SMURF1: variants seen among roughly 807,000 people sequenced by gnomAD.
SMURF1 encodes the protein SMAD specific E3 ubiquitin protein ligase 1.
A neutral mutation model predicts 98.0 loss-of-function variants in SMURF1; 44 were observed. That is an observed-to-expected ratio of 0.45 (90% CI 0.35 to 0.58). SMURF1 has a LOEUF of 0.58. SMURF1 is among the 20% of genes least tolerant of loss of function. SMURF1 has a pLI of 0.00. For synonymous variants in SMURF1, 396 were observed against 374.9 expected (o/e 1.06, Z -0.65); for missense variants, 687 against 938.4 (o/e 0.73, Z 3.50).
intron 1 of SMURF1, among the ~76,000 whole-genome samples, chr7:99,135,621 C>A (rs191473074): frequency 6.6e-6 from 1 of 152,176 alleles, no homozygotes; most frequent in African/African-American, 2.4e-5. Flanking sequence ...TGGGAATACA[C>A]GATAATTTAC....
intron 12 of SMURF1, among the ~76,000 whole-genome samples, chr7:99,041,199 C>T (rs936244492): frequency 6.6e-6 from 1 of 152,102 alleles, no homozygotes. Flanking sequence ...GTCAGGAGTT[C>T]GAGACCAGCC....
intron 2 of SMURF1, 94 bp downstream of exon 2, chr7:99,061,703 CTT>C: frequency 1.0e-6 from 1 of 952,564 alleles, no homozygotes; most frequent in Non-Finnish European, 1.5e-6. Flanking sequence ...AAGGGCAAAA[CTT>C]TGAAGAGAAT....
rs1795900927 is a variant in SMURF1 at position 99,057,313 on chromosome 7, T to TAGGGAGGA, written c.338-51_338-44dup. 3 of 1,613,712 alleles carry TAGGGAGGA rather than the reference T, an allele frequency of 1.9e-6. No individual in the cohort carries two copies. The South Asian group carries it at 3.3e-5, about 18-fold the overall frequency. ...AAAACTTAACCCAAGGAACGTGAAC[T>TAGGGAGGA]AGGGAGGAAGGCAGGAATTCAGTAT... On this transcript the variant is annotated intron_variant, in intron 4 of 17. Transcript: ENST00000361368.
intron 1 of SMURF1, among the ~76,000 whole-genome samples, chr7:99,092,422 G>A (rs1418288500): frequency 6.6e-6 from 1 of 152,056 alleles, no homozygotes; most frequent in African/African-American, 2.4e-5. Flanking sequence ...ATCAATACTC[G>A]TGGCACCTCC....
intron 1 of SMURF1, among the ~76,000 whole-genome samples, chr7:99,128,326 C>T (rs1165606444): frequency 1.3e-5 from 2 of 152,114 alleles, no homozygotes; most frequent in Non-Finnish European, 2.9e-5. Flanking sequence ...CCATGAATGA[C>T]GCAGTCAGTA....
At chr7:99,126,069 T>C (rs941985029) in intron 1 of SMURF1, among the ~76,000 whole-genome samples, 1 of 152,200 alleles carries the variant, frequency 6.6e-6, no homozygotes, top group Admixed American at 6.5e-5. Flanking sequence ...GGGCGCTTTG[T>C]ATTGTTACTT....
intron 1 of SMURF1, among the ~76,000 whole-genome samples, chr7:99,102,392 A>AG (rs1797102999): frequency 6.6e-6 from 1 of 152,262 alleles, no homozygotes; most frequent in South Asian, 2.1e-4. Flanking sequence ...TGAATAACTG[A>AG]ATATACCCAA....
chr7:99,060,376 C>G lies in SMURF1; in HGVS notation c.203+223G>C, dbSNP rs1796001031. Reference sequence around the variant, plus strand: ...CCTGGGTGACAGAGTGAGACTCCGTCTCAAAAAAAAAAAAAAAAAAAGAAA... The same window carrying G: ...CCTGGGTGACAGAGTGAGACTCCGTGTCAAAAAAAAAAAAAAAAAAAGAAA... On this transcript the variant is annotated intron_variant, in intron 3 of 17. Transcript: ENST00000361368. 3.4e-5 allele frequency among the ~76,000 whole-genome samples: 3 copies of G among 87,522 alleles called. No homozygotes were observed. The South Asian group carries it at 1.3e-3, about 38-fold the overall frequency. 57.4% of individuals were successfully genotyped at this position (87,522 alleles called of 152,430 possible).
At chr7:99,030,863 A>G in intron 17 of SMURF1, 180 bp from the exon 18 acceptor site, 1 of 530,766 alleles carries the variant, frequency 1.9e-6, no homozygotes, top group East Asian at 3.2e-5. Flanking sequence ...AAGATTTGTA[A>G]TTTGTTTTTG....
chr7:99,101,590 G>A (rs1194722403), intron 1 of SMURF1, among the ~76,000 whole-genome samples: 2 of 152,180 alleles, frequency 1.3e-5, no homozygotes, highest in East Asian at 3.8e-4. Flanking sequence ...GTAAATGGAG[G>A]TGGGAATTCC....
In SMURF1 at chr7:99,143,828, A is replaced by G; in HGVS notation, c.-48T>C. The G allele has an allele frequency of 2.1e-6, 3 of 1,442,458 alleles. No homozygotes were observed. The highest frequency in any genetic ancestry group is 2.8e-6 in the Non-Finnish European group (3 of 1,088,608). The allele number at this position is 1,442,458 out of a possible 1,614,324, so 89.4% of individuals were successfully genotyped here. On this transcript the variant is annotated 5_prime_UTR_variant, in exon 1 of 18. Coordinates refer to ENST00000361368, the MANE Select transcript of SMURF1 (RefSeq NM_181349.3). Reference sequence around the variant, plus strand: ...CGCGGATCCAGCGCCACCGCCCCCCAGCCCGGCCCGGCCCGGCCCCGCCGC... The same window carrying G: ...CGCGGATCCAGCGCCACCGCCCCCCGGCCCGGCCCGGCCCGGCCCCGCCGC...
intron 1 of SMURF1, among the ~76,000 whole-genome samples, chr7:99,101,736 T>G (rs1213650274): frequency 3.9e-5 from 6 of 152,140 alleles, no homozygotes; most frequent in Non-Finnish European, 8.8e-5. Flanking sequence ...GGTCAGGAGT[T>G]GGAAACCAGC....
At chr7:99,115,314 C>A (rs1797413689) in intron 1 of SMURF1, among the ~76,000 whole-genome samples, 1 of 152,054 alleles carries the variant, frequency 6.6e-6, no homozygotes, top group Admixed American at 6.5e-5. Context: ...GGGACACGGG[C>A]CAGTGCAGTG....
At chr7:99,043,940 C>T (rs1252296967) in intron 11 of SMURF1, among the ~76,000 whole-genome samples, 1 of 152,154 alleles carries the variant, frequency 6.6e-6, no homozygotes, top group East Asian at 1.9e-4. Context: ...CACAGAGGAG[C>T]AAGAGAATCG....
chr7:99,072,751 T>A (rs1796357077), intron 1 of SMURF1, among the ~76,000 whole-genome samples: 1 of 152,190 alleles, frequency 6.6e-6, no homozygotes, highest in Non-Finnish European at 1.5e-5. Flanking sequence ...ACACACAATC[T>A]TCTAAAACAA....
intron 11 of SMURF1, among the ~76,000 whole-genome samples, chr7:99,045,355 G>A (rs1199188269): frequency 1.3e-5 from 2 of 152,350 alleles, no homozygotes; most frequent in East Asian, 3.9e-4. Flanking sequence ...CTACAGAGGA[G>A]AGCAAGGCTG....
intron 1 of SMURF1, among the ~76,000 whole-genome samples, chr7:99,094,159 G>C (rs1796890897): frequency 6.6e-6 from 1 of 152,036 alleles, no homozygotes; most frequent in Non-Finnish European, 1.5e-5. Flanking sequence ...ATACAATTAG[G>C]ATCACACTAA....
intron 6 of SMURF1, 105 bp downstream of exon 6, chr7:99,054,685 C>T: frequency 1.1e-6 from 1 of 915,824 alleles, no homozygotes; most frequent in Non-Finnish European, 1.8e-6. Flanking sequence ...TTATGCATCT[C>T]AAGCATTCTG....
intron 1 of SMURF1, among the ~76,000 whole-genome samples, chr7:99,142,937 G>C (rs1563048884): frequency 1.4e-5 from 2 of 138,094 alleles, no homozygotes; most frequent in African/African-American, 5.4e-5. Context: ...GGAGGGAGGG[G>C]GTAAAAACGG....
Sources: gnomAD v4.1 joint callset for allele counts (sites outside exome capture counted in the v4.1 genomes callset) on GRCh38, gnomAD v4.1.1 for gene constraint, MANE v1.5 for transcripts, NCBI Gene and HGNC (gene_info 2026-07-23, HGNC 2026-07-21) for gene names.